Variants in NCALD observed in about 807,000 individuals in gnomAD.
The protein encoded by NCALD is neurocalcin delta, also known as neurocalcin-delta.
A neutral mutation model predicts 18.6 loss-of-function variants in NCALD; 10 were observed. The observed-to-expected ratio is 0.54, with a 90% CI of 0.33 to 0.91. NCALD has a LOEUF of 0.91. NCALD is among the 40% of genes least tolerant of loss of function. The pLI, the probability that NCALD is intolerant of heterozygous loss-of-function variation, is 0.03. For synonymous variants in NCALD, 88 were observed against 87.4 expected (o/e 1.01, Z -0.04); for missense variants, 184 against 247.6 (o/e 0.74, Z 1.72).
intron 1 of NCALD, among the ~76,000 whole-genome samples, chr8:102,110,132 A>G (rs1182321367): frequency 6.6e-6 from 1 of 152,298 alleles, no homozygotes; most frequent in African/African-American, 2.4e-5. Flanking sequence ...TCCCTGGAAG[A>G]GGAAACGAGC....
rs964149207 is a variant in NCALD at position 102,015,201 on chromosome 8, A to T, written c.-157+5036T>A. Among the ~76,000 whole-genome samples, 4 of 151,490 alleles carry T rather than the reference A, an allele frequency of 2.6e-5. No individual in the cohort carries two copies. The East Asian group carries it at 5.8e-4, about 22-fold the overall frequency. ...GCCCATTCTACTGTCTCATTTTTGT[A>T]TTTTTTTTCATTTTTCTCTCTTTCT... On this transcript the variant is annotated intron_variant, in intron 2 of 6. Transcript: ENST00000311028.
At chr8:102,031,551 T>C (rs1231872795) in intron 1 of NCALD, among the ~76,000 whole-genome samples, 3 of 152,194 alleles carry the variant, frequency 2.0e-5, no homozygotes, top group Non-Finnish European at 2.9e-5. Flanking sequence ...ACATATTTGA[T>C]GTGCAGTGGA....
At chr8:101,765,279 C>T (rs1811299559) in intron 1 of NCALD, among the ~76,000 whole-genome samples, 1 of 152,162 alleles carries the variant, frequency 6.6e-6, no homozygotes, top group Non-Finnish European at 1.5e-5. Flanking sequence ...TTACCTAGCA[C>T]ACTGGTGTGG....
chr8:101,720,857 G>T (rs1263935084), intron 1 of NCALD, among the ~76,000 whole-genome samples: 1 of 152,166 alleles, frequency 6.6e-6, no homozygotes, highest in African/African-American at 2.4e-5. Context: ...GTGTGTTTCT[G>T]GTTCTGTGGA....
chr8:102,082,718 A>T (rs1418464210), intron 1 of NCALD, among the ~76,000 whole-genome samples: 1 of 152,232 alleles, frequency 6.6e-6, no homozygotes, highest in African/African-American at 2.4e-5. Flanking sequence ...AAAAAGAAAC[A>T]GGAGCGAATT....
chr8:101,718,810 G>C (rs191375797), intron 2 of NCALD, among the ~76,000 whole-genome samples: 53 of 152,272 alleles, frequency 3.5e-4, no homozygotes, highest in Admixed American at 2.2e-3. Context: ...TTCAGGAAAA[G>C]CCCACCAGCA....
chr8:102,014,728 G>C (rs1169034360), intron 2 of NCALD, among the ~76,000 whole-genome samples: 2 of 151,958 alleles, frequency 1.3e-5, no homozygotes, highest in African/African-American at 2.4e-5. Context: ...CCTTACAGTA[G>C]AGTTACCTTC....
At chr8:101,991,100 G>C (rs189548875) in intron 2 of NCALD, among the ~76,000 whole-genome samples, 1,714 of 152,284 alleles carry the variant, frequency 0.011, 22 homozygotes, top group South Asian at 0.044. Flanking sequence ...AGAAACGAAG[G>C]CATACTTTGT....
intron 4 of NCALD, among the ~76,000 whole-genome samples, chr8:101,847,640 C>T (rs1814923374): frequency 6.6e-6 from 1 of 152,164 alleles, no homozygotes; most frequent in Non-Finnish European, 1.5e-5. Context: ...AAGACACCTA[C>T]CATGTTAAAA....
At chr8:101,823,248 T>C (rs990048765) in intron 4 of NCALD, among the ~76,000 whole-genome samples, 2 of 152,198 alleles carry the variant, frequency 1.3e-5, no homozygotes, top group Admixed American at 6.5e-5. Context: ...CTCCCGCTAT[T>C]AGCAAGGCCA....
chr8:101,723,632 C>T (rs1816456945), intron 1 of NCALD, among the ~76,000 whole-genome samples: 2 of 152,116 alleles, frequency 1.3e-5, no homozygotes, highest in South Asian at 4.1e-4. Flanking sequence ...GAAACCAAAG[C>T]ATCAAATATT....
At chr8:101,709,032 A>G (rs1815661200) in intron 2 of NCALD, among the ~76,000 whole-genome samples, 1 of 152,250 alleles carries the variant, frequency 6.6e-6, no homozygotes, top group South Asian at 2.1e-4. Flanking sequence ...AGAATTGGAT[A>G]AAACACACAA....
chr8:101,821,236 G>C (rs905217102), intron 4 of NCALD, among the ~76,000 whole-genome samples: 1 of 152,184 alleles, frequency 6.6e-6, no homozygotes, highest in African/African-American at 2.4e-5. Flanking sequence ...TTGCTCATGA[G>C]TAGTGATCAA....
chr8:101,935,827 A>G (rs1046521547), intron 2 of NCALD, among the ~76,000 whole-genome samples: 6 of 138,502 alleles, frequency 4.3e-5, no homozygotes, highest in African/African-American at 1.4e-4. Flanking sequence ...ACATTATACT[A>G]TGTAAGATGA....
At chr8:101,957,296 T>G (rs1027993664) in intron 2 of NCALD, among the ~76,000 whole-genome samples, 12 of 144,036 alleles carry the variant, frequency 8.3e-5, no homozygotes, top group Admixed American at 7.6e-4. Flanking sequence ...GGGGTTTTTT[T>G]TTTTTTTTTT....
chr8:101,780,791 T>C (rs73275530), intron 1 of NCALD, among the ~76,000 whole-genome samples: 24 of 152,342 alleles, frequency 1.6e-4, no homozygotes, highest in African/African-American at 5.8e-4. Flanking sequence ...ATAACATGAT[T>C]TCAGTGAAAA....
intron 1 of NCALD, among the ~76,000 whole-genome samples, chr8:102,022,781 T>C (rs922050071): frequency 1.3e-5 from 2 of 152,116 alleles, no homozygotes; most frequent in Non-Finnish European, 2.9e-5. Flanking sequence ...TGGAAGAAGG[T>C]ATGGAGAGAA....
At chr8:101,820,378 TAAATA>T (rs1714577315) in intron 4 of NCALD, among the ~76,000 whole-genome samples, 1 of 151,812 alleles carries the variant, frequency 6.6e-6, no homozygotes, top group Non-Finnish European at 1.5e-5. Context: ...ATTTGTTAAA[TAAATA>T]AATGAGTAGA....
chr8:101,886,507 T>C (rs55738565), intron 4 of NCALD, among the ~76,000 whole-genome samples: 1 of 152,212 alleles, frequency 6.6e-6, no homozygotes, highest in Non-Finnish European at 1.5e-5. Context: ...TAACTTATTT[T>C]GAAAAGTTTC....
Sources: allele counts gnomAD v4.1 joint callset (sites outside exome capture counted in the v4.1 genomes callset), GRCh38; gene constraint gnomAD v4.1.1; transcripts MANE v1.5; gene names NCBI Gene and HGNC (gene_info 2026-07-23, HGNC 2026-07-21).